The following HELLS variants were observed in gnomAD, a reference collection of about 807,000 sequenced individuals.
HELLS encodes helicase, lymphoid specific.
A neutral mutation model predicts 120.0 loss-of-function variants in HELLS; 32 were observed. The ratio of observed to expected loss-of-function variants is 0.27; its 90% confidence interval spans 0.20 to 0.36. The LOEUF is 0.36. Among genes scored for constraint, HELLS ranks in the 10% least tolerant of loss-of-function variants. HELLS has a pLI of 1.00. For synonymous variants in HELLS, 341 were observed against 323.4 expected (o/e 1.05, Z -0.58); for missense variants, 650 against 993.4 (o/e 0.65, Z 4.65).
intron 10 of HELLS, among the ~76,000 whole-genome samples, chr10:94,578,070 CAAAAAAAAAAAAAAA>C (rs58732872): frequency 3.3e-5 from 2 of 60,840 alleles, no homozygotes; most frequent in East Asian, 8.3e-4. Flanking sequence ...GACTCCGTCT[CAAAAAAAAAAAAAAA>C]AAAAAAAAAA....
chr10:94,604,013 A>G (rs1262534853), downstream of HELLS, among the ~76,000 whole-genome samples: 1 of 151,424 alleles, frequency 6.6e-6, no homozygotes. Flanking sequence ...TTTTTAGTAG[A>G]GACTGGGTTT....
At position 94,592,506 on chromosome 10, in the gene HELLS, GA is replaced by G; in HGVS notation, c.1970del (p.Asn657ThrfsTer15). 1 of 1,458,016 alleles carries G rather than the reference GA, an allele frequency of 6.9e-7. No individual in the cohort carries two copies. Among genetic ancestry groups the G allele is most frequent in the Non-Finnish European group, 9.1e-7 (1 of 1,104,428 alleles). 90.3% of individuals were successfully genotyped at this position (1,458,016 alleles called of 1,614,324 possible). A position where few individuals can be genotyped will look rare whatever the true frequency, so the allele number is the denominator to read the frequency against. On this transcript the variant is annotated frameshift_variant, in exon 17 of 22. Transcript: ENST00000348459. LOFTEE classifies it high-confidence loss of function. The stretch of plus-strand genomic sequence containing the variant: ...TGGGTCCATGTCTTACTCAGAGAGA[GA>G]AAAAAACGTAAGACTACTTATGTCA... Reference protein sequence around the residue: ...LDGSMSYSEREKNMHSFNTDP... With the variant: ...LDGSMSYSERXKNMHSFNTDP...
downstream of HELLS, among the ~76,000 whole-genome samples, chr10:94,603,056 G>GTTGCATCTGTAAACC (rs1564623183): frequency 6.6e-6 from 1 of 152,124 alleles, no homozygotes; most frequent in African/African-American, 2.4e-5. Flanking sequence ...AGTTGTCACC[G>GTTGCATCTGTAAACC]TTGCATCTGT....
intron 10 of HELLS, among the ~76,000 whole-genome samples, chr10:94,577,855 A>T (rs1485243796): frequency 2.0e-5 from 3 of 152,134 alleles, no homozygotes; most frequent in African/African-American, 4.8e-5. Flanking sequence ...AGGTCAGGAT[A>T]TCGAGACCAT....
At chr10:94,585,889 G>A (rs1031486065) in intron 12 of HELLS, among the ~76,000 whole-genome samples, 1 of 151,866 alleles carries the variant, frequency 6.6e-6, no homozygotes, top group Non-Finnish European at 1.5e-5. Context: ...TGGTAGATGG[G>A]TCTTGTATAA....
chr10:94,605,872 T>G (rs546333870), downstream of HELLS, among the ~76,000 whole-genome samples: 2 of 151,888 alleles, frequency 1.3e-5, no homozygotes, highest in East Asian at 3.9e-4. Flanking sequence ...CTCCAGCAAT[T>G]CCCCCCGGCT....
exon 10 of HELLS, chr10:94,612,715 C>G (rs546295474): frequency 2.8e-4 from 43 of 152,270 alleles, no homozygotes; most frequent in African/African-American, 1.0e-3. Context: ...CACTTGAGGC[C>G]AGGAGTTTGA....
chr10:94,548,246 A>G (rs940588041), intron 2 of HELLS, among the ~76,000 whole-genome samples: 2 of 152,216 alleles, frequency 1.3e-5, no homozygotes, highest in African/African-American at 2.4e-5. Context: ...ACAAGATTAT[A>G]TACATATACT....
At chr10:94,547,536 C>T (rs1037748859) in intron 2 of HELLS, among the ~76,000 whole-genome samples, 2 of 152,100 alleles carry the variant, frequency 1.3e-5, no homozygotes, top group African/African-American at 4.8e-5. Context: ...ACTTCTTGAA[C>T]ATTTATTAGG....
chr10:94,559,998 G>A (rs1251336492), intron 4 of HELLS, among the ~76,000 whole-genome samples: 1 of 152,076 alleles, frequency 6.6e-6, no homozygotes, highest in Non-Finnish European at 1.5e-5. Context: ...TAGTTTAAGA[G>A]CTTCTACTTA....
intron 2 of HELLS, among the ~76,000 whole-genome samples, chr10:94,547,595 T>G (rs983477892): frequency 7.2e-5 from 11 of 152,348 alleles, no homozygotes; most frequent in Admixed American, 5.2e-4. Flanking sequence ...CATTGAATCC[T>G]CAACTATTCT....
At chr10:94,557,949 T>A (rs187597498) in intron 3 of HELLS, among the ~76,000 whole-genome samples, 190 bp from the exon 4 acceptor site, 1 of 152,340 alleles carries the variant, frequency 6.6e-6, no homozygotes, top group East Asian at 1.9e-4. Context: ...TGGATTTTAG[T>A]TGTTTAAGGC....
At chr10:94,589,988 C>T (rs1321038881) in intron 13 of HELLS, among the ~76,000 whole-genome samples, 2 of 151,964 alleles carry the variant, frequency 1.3e-5, no homozygotes, top group Non-Finnish European at 1.5e-5. Context: ...TACCCGGCCT[C>T]TTCTCCCTTT....
downstream of HELLS, among the ~76,000 whole-genome samples, chr10:94,606,451 T>C (rs2134144183): frequency 6.6e-6 from 1 of 152,076 alleles, no homozygotes; most frequent in Middle Eastern, 3.4e-3. Context: ...CAAGCCATCT[T>C]CCCATCTCAG....
chr10:94,548,111 A>G (rs1163930812), intron 2 of HELLS, among the ~76,000 whole-genome samples: 2 of 151,992 alleles, frequency 1.3e-5, no homozygotes, highest in Admixed American at 1.3e-4. Flanking sequence ...ATTCTTTCTC[A>G]CTTTGTTTCT....
intron 2 of HELLS, among the ~76,000 whole-genome samples, chr10:94,549,918 A>T (rs368146267): frequency 6.6e-6 from 1 of 151,640 alleles, no homozygotes; most frequent in Non-Finnish European, 1.5e-5. Flanking sequence ...AGTGATTTTT[A>T]TTTTTATTTT....
intron 12 of HELLS, among the ~76,000 whole-genome samples, chr10:94,585,485 G>T (rs1455091499): frequency 6.7e-6 from 1 of 148,434 alleles, no homozygotes; most frequent in Non-Finnish European, 1.5e-5. Context: ...AGGTTCAAGC[G>T]ATTTTCCTGC....
intron 2 of HELLS, among the ~76,000 whole-genome samples, chr10:94,550,236 A>G (rs951668555): frequency 2.6e-5 from 4 of 151,076 alleles, no homozygotes; most frequent in Non-Finnish European, 5.9e-5. Context: ...TTTTTTTAGG[A>G]AAAATTTTTC....
intron 10 of HELLS, 159 bp downstream of exon 10, chr10:94,576,964 T>C: frequency 1.6e-6 from 1 of 627,820 alleles, no homozygotes; most frequent in Non-Finnish European, 2.8e-6. Context: ...GAAACTTTTA[T>C]TAACAGAATG....
Sources: allele counts gnomAD v4.1 joint callset (sites outside exome capture counted in the v4.1 genomes callset), GRCh38; gene constraint gnomAD v4.1.1; transcripts MANE v1.5; gene names NCBI Gene and HGNC (gene_info 2026-07-23, HGNC 2026-07-21).